The following TAFA1 variants were observed in gnomAD, a reference collection of about 807,000 sequenced individuals.
The protein encoded by TAFA1 is chemokine-like protein TAFA-1.
TAFA1 carries 4 observed loss-of-function variants against 18.5 expected under a neutral mutation model. The ratio of observed to expected loss-of-function variants is 0.22; its 90% CI spans 0.11 to 0.49. TAFA1 has a LOEUF of 0.49. Ranked by LOEUF, TAFA1 falls within the 20% of genes least tolerant of loss-of-function variation. The probability of loss-of-function intolerance (pLI) is 0.98; values close to 1 mark genes in which losing one functional copy is unlikely to be tolerated. For missense variants in TAFA1, 147 were observed against 169.0 expected, an observed-to-expected ratio of 0.87 and a Z score of 0.72; for synonymous variants, 56 against 55.2, an observed-to-expected ratio of 1.01 and a Z score of -0.06.
intron 2 of TAFA1, among the ~76,000 whole-genome samples, chr3:68,113,068 A>AT (rs1422919978): frequency 2.6e-5 from 4 of 152,180 alleles, no homozygotes; most frequent in Non-Finnish European, 5.9e-5. Context: ...TGGTGAGCTG[A>AT]TTCTAAAATG....
chr3:68,428,459 C>G (rs2071100495), intron 3 of TAFA1, among the ~76,000 whole-genome samples: 1 of 151,844 alleles, frequency 6.6e-6, no homozygotes, highest in Non-Finnish European at 1.5e-5. Flanking sequence ...CCTTAGCCTC[C>G]TACCCTGCAT....
At chr3:68,296,235 C>T (rs1233237116) in intron 2 of TAFA1, among the ~76,000 whole-genome samples, 4 of 150,168 alleles carry the variant, frequency 2.7e-5, no homozygotes, top group African/African-American at 9.8e-5. Flanking sequence ...TATTTGACAT[C>T]CATATTGTTG....
intron 2 of TAFA1, among the ~76,000 whole-genome samples, chr3:68,358,808 G>A (rs1234709118): frequency 6.6e-6 from 1 of 151,940 alleles, no homozygotes; most frequent in East Asian, 1.9e-4. Context: ...GTAGCATAAT[G>A]GAGAAGATGA....
At chr3:68,494,503 A>G (rs1284766535) in intron 3 of TAFA1, among the ~76,000 whole-genome samples, 3 of 152,200 alleles carry the variant, frequency 2.0e-5, no homozygotes, top group Admixed American at 2.0e-4. Flanking sequence ...CCTCACAGGC[A>G]GGTGTGGCCT....
intron 2 of TAFA1, among the ~76,000 whole-genome samples, chr3:68,160,795 C>T (rs965373742): frequency 6.6e-6 from 1 of 152,156 alleles, no homozygotes; most frequent in East Asian, 1.9e-4. Context: ...CTGAACTCGA[C>T]CTCCAATGCC....
chr3:68,036,660 G>C (rs1171328923), intron 2 of TAFA1, among the ~76,000 whole-genome samples: 1 of 152,090 alleles, frequency 6.6e-6, no homozygotes, highest in Non-Finnish European at 1.5e-5. Flanking sequence ...AGAAGGCTTG[G>C]TAAATCCATG....
At chr3:68,530,501 T>C (rs1240209417) in intron 3 of TAFA1, among the ~76,000 whole-genome samples, 2 of 152,156 alleles carry the variant, frequency 1.3e-5, no homozygotes, top group African/African-American at 4.8e-5. Context: ...GATCAAATAT[T>C]TTCCTAAGCA....
chr3:68,255,984 C>G (rs573406872), intron 2 of TAFA1, among the ~76,000 whole-genome samples: 1 of 152,108 alleles, frequency 6.6e-6, no homozygotes, highest in African/African-American at 2.4e-5. Context: ...ATAATTGTTT[C>G]CTTTCAGAAT....
chr3:68,108,011 T>C (rs1053189924), intron 2 of TAFA1, among the ~76,000 whole-genome samples: 1 of 152,132 alleles, frequency 6.6e-6, no homozygotes, highest in African/African-American at 2.4e-5. Flanking sequence ...GGTGAGGAAG[T>C]GCAGAAAATG....
At chr3:68,477,967 A>G (rs1053171790) in intron 3 of TAFA1, among the ~76,000 whole-genome samples, 1 of 152,206 alleles carries the variant, frequency 6.6e-6, no homozygotes, top group African/African-American at 2.4e-5. Flanking sequence ...AATGGCTTGG[A>G]AATCATTCCC....
chr3:68,086,627 T>G (rs995788306), intron 2 of TAFA1, among the ~76,000 whole-genome samples: 1 of 152,228 alleles, frequency 6.6e-6, no homozygotes, highest in African/African-American at 2.4e-5. Context: ...AGTATCTTTA[T>G]TCTATAATGA....
chr3:67,999,770 A>G (rs76448106), upstream of TAFA1, among the ~76,000 whole-genome samples: 818 of 151,540 alleles, frequency 5.4e-3, 32 homozygotes, highest in East Asian at 0.1. Context: ...ACACAGGACA[A>G]GGTGGTCACC....
intron 2 of TAFA1, among the ~76,000 whole-genome samples, chr3:68,241,119 G>A (rs759364742): frequency 6.6e-6 from 1 of 152,110 alleles, no homozygotes; most frequent in South Asian, 2.1e-4. Flanking sequence ...CTTCACAGTG[G>A]TTAGGTCAGT....
intron 3 of TAFA1, among the ~76,000 whole-genome samples, chr3:68,480,641 T>G (rs930207770): frequency 5.9e-5 from 9 of 152,208 alleles, no homozygotes; most frequent in Admixed American, 5.2e-4. Flanking sequence ...TCTTTTTAGA[T>G]TATAAACTCT....
intron 2 of TAFA1, among the ~76,000 whole-genome samples, chr3:68,025,008 A>G (rs1325034771): frequency 6.6e-6 from 1 of 152,120 alleles, no homozygotes; most frequent in Non-Finnish European, 1.5e-5. Flanking sequence ...TTTGGGGCAT[A>G]CTGAAATTGG....
intron 2 of TAFA1, among the ~76,000 whole-genome samples, chr3:68,075,587 C>A (rs769575992): frequency 2.6e-5 from 4 of 152,028 alleles, no homozygotes; most frequent in Admixed American, 2.6e-4. Flanking sequence ...AGTTAGTCAA[C>A]TTTCTAACTT....
chr3:68,191,237 T>G (rs540102109), intron 2 of TAFA1, among the ~76,000 whole-genome samples: 2 of 151,982 alleles, frequency 1.3e-5, no homozygotes, highest in Non-Finnish European at 2.9e-5. Flanking sequence ...GTACTTTTTC[T>G]TCTGATATTC....
intron 2 of TAFA1, among the ~76,000 whole-genome samples, chr3:68,370,761 C>T (rs113044049): frequency 0.023 from 3,241 of 142,324 alleles, 116 homozygotes; most frequent in African/African-American, 0.072. Context: ...TTTGTTAAAC[C>T]TCCTCGGGTG....
intron 3 of TAFA1, among the ~76,000 whole-genome samples, chr3:68,427,926 C>T (rs1392867934): frequency 2.0e-5 from 3 of 151,908 alleles, no homozygotes; most frequent in Admixed American, 2.0e-4. Context: ...TGCCATTGCT[C>T]CTCTTTTGCC....
Sources: allele counts gnomAD v4.1 joint callset (sites outside exome capture counted in the v4.1 genomes callset), GRCh38; gene constraint gnomAD v4.1.1; transcripts MANE v1.5; gene names NCBI Gene and HGNC (gene_info 2026-07-23, HGNC 2026-07-21).